The following CEP112 variants were observed in gnomAD, a reference collection of about 807,000 sequenced individuals.
CEP112 encodes centrosomal protein of 112 kDa.
CEP112 carries 127 observed loss-of-function variants against 153.0 expected under a neutral mutation model. The ratio of observed to expected loss-of-function variants is 0.83; its 90% CI spans 0.72 to 0.96. The LOEUF (loss-of-function observed/expected upper bound fraction) is 0.96. Among genes scored for constraint, CEP112 ranks in the 40% least tolerant of loss-of-function variants. The pLI, the probability that CEP112 is intolerant of heterozygous loss-of-function variation, is 0.00. For missense variants in CEP112, 1,089 were observed against 1,101.2 expected (o/e 0.99, Z 0.16); for synonymous variants, 358 against 374.4 (o/e 0.96, Z 0.51).
Position 66,177,031 on chromosome 17 carries a change from A to T in CEP112, c.107-11T>A. 6.4e-7 allele frequency: 1 copy of T among 1,574,698 alleles called. No homozygotes were observed. The highest frequency in any genetic ancestry group is 8.6e-7 in the Non-Finnish European group (1 of 1,165,916). ...CACACCTCTGCCGTTCTATAAATAC[A>T]GAAGAACTATTAGAAATTTTATTTT... On this transcript the variant is annotated splice_polypyrimidine_tract_variant and intron_variant, in intron 2 of 26. Coordinates refer to ENST00000535342, the MANE Select transcript of CEP112 (RefSeq NM_001199165.4).
At position 66,179,742 on chromosome 17, in the gene CEP112, A is replaced by C. The variant is rs984913252; in HGVS notation, c.107-2722T>G. Reference sequence around the variant, plus strand: ...ATACTATGCTGAATAACAGCGGTGAAAGTGGTCAACCTTGTTGTATTCCAG... The same window carrying C: ...ATACTATGCTGAATAACAGCGGTGACAGTGGTCAACCTTGTTGTATTCCAG... On this transcript the variant is annotated intron_variant, in intron 2 of 26. Coordinates refer to ENST00000535342, the MANE Select transcript of CEP112 (RefSeq NM_001199165.4). Among the ~76,000 whole-genome samples the C allele has an allele frequency of 1.8e-4, 27 of 152,162 alleles. 1 individual carries two copies. Among genetic ancestry groups the C allele is most frequent in the African/African-American group, 6.5e-4 (27 of 41,448 alleles).
At chr17:66,130,133 A>AG (rs1326812188) in intron 5 of CEP112, among the ~76,000 whole-genome samples, 1 of 152,122 alleles carries the variant, frequency 6.6e-6, no homozygotes, top group Admixed American at 6.5e-5. Context: ...GGAAAGGATT[A>AG]GGTTACAACT....
At chr17:65,974,562 A>G (rs1438639921) in intron 17 of CEP112, among the ~76,000 whole-genome samples, 1 of 152,242 alleles carries the variant, frequency 6.6e-6, no homozygotes, top group African/African-American at 2.4e-5. Context: ...TAGGTTATTC[A>G]TGACAGCATC....
At chr17:65,724,283 C>T (rs1257510344) in intron 23 of CEP112, among the ~76,000 whole-genome samples, 1 of 152,132 alleles carries the variant, frequency 6.6e-6, no homozygotes, top group African/African-American at 2.4e-5. Flanking sequence ...CAATTACATA[C>T]ACTTGAAAAA....
intron 25 of CEP112, among the ~76,000 whole-genome samples, chr17:65,640,630 G>A (rs1430991694): frequency 6.6e-6 from 1 of 152,120 alleles, no homozygotes; most frequent in African/African-American, 2.4e-5. Flanking sequence ...TGCACAGTGA[G>A]GAATCAGCCA....
intron 17 of CEP112, among the ~76,000 whole-genome samples, chr17:65,978,544 TA>T (rs1469172019): frequency 3.9e-5 from 6 of 152,346 alleles, no homozygotes; most frequent in African/African-American, 1.2e-4. Flanking sequence ...AACAGCCACA[TA>T]GGATTCTTTG....
chr17:65,845,143 A>C (rs910900874), intron 21 of CEP112, among the ~76,000 whole-genome samples: 2 of 152,084 alleles, frequency 1.3e-5, no homozygotes, highest in African/African-American at 4.8e-5. Context: ...AACATGGAGA[A>C]ACTGCGTCTG....
At chr17:65,794,242 G>A (rs984680861) in intron 21 of CEP112, among the ~76,000 whole-genome samples, 6 of 152,000 alleles carry the variant, frequency 3.9e-5, no homozygotes, top group South Asian at 2.1e-4. Flanking sequence ...ATCTTTGTAC[G>A]CATCCCCATG....
chr17:65,834,588 T>C lies in CEP112; in HGVS notation c.2394+17216A>G, dbSNP rs189374588. Among the ~76,000 whole-genome samples, 39 of 152,050 alleles carry C rather than the reference T, an allele frequency of 2.6e-4. No individual in the cohort carries two copies. The East Asian group carries it at 5.4e-3, about 21-fold the overall frequency. On this transcript the variant is annotated intron_variant, in intron 21 of 26. Transcript: ENST00000535342. ...AGACACACATGTGGCAACAAGCATA[T>C]GAAAAAAAGCTCAATATTGCTGATC...
At chr17:66,180,352 A>C (rs1310975711) in intron 2 of CEP112, among the ~76,000 whole-genome samples, 1 of 152,086 alleles carries the variant, frequency 6.6e-6, no homozygotes, top group African/African-American at 2.4e-5. Flanking sequence ...TTATAAATAA[A>C]ATTCTGTGAT....
intron 21 of CEP112, among the ~76,000 whole-genome samples, chr17:65,806,664 A>T (rs372795514): frequency 3.4e-4 from 51 of 152,184 alleles, no homozygotes; most frequent in Middle Eastern, 3.4e-3. Flanking sequence ...AATGTGTGGC[A>T]CTTCCCCCTT....
intron 6 of CEP112, among the ~76,000 whole-genome samples, chr17:66,124,330 C>T (rs1466243706): frequency 6.6e-6 from 1 of 152,124 alleles, no homozygotes; most frequent in Admixed American, 6.5e-5. Context: ...CTGAAGGAAC[C>T]TCATTGCACT....
intron 4 of CEP112, among the ~76,000 whole-genome samples, chr17:66,136,354 G>C (rs2070434414): frequency 6.6e-6 from 1 of 152,084 alleles, no homozygotes; most frequent in South Asian, 2.1e-4. Flanking sequence ...TTTGGAAGGG[G>C]CTGCCTAAGG....
At chr17:65,857,203 T>C (rs2058151693) in intron 20 of CEP112, among the ~76,000 whole-genome samples, 1 of 152,158 alleles carries the variant, frequency 6.6e-6, no homozygotes, top group African/African-American at 2.4e-5. Flanking sequence ...TGCTTATCAC[T>C]AAAGACAGAA....
intron 19 of CEP112, among the ~76,000 whole-genome samples, chr17:65,926,977 C>T (rs182632004): frequency 6.6e-6 from 1 of 152,252 alleles, no homozygotes; most frequent in East Asian, 1.9e-4. Context: ...ACCCAAATCT[C>T]ATGTTGAAAT....
chr17:65,963,342 T>A (rs541490960), intron 17 of CEP112, among the ~76,000 whole-genome samples: 1 of 152,318 alleles, frequency 6.6e-6, no homozygotes, highest in African/African-American at 2.4e-5. Context: ...AGAAAAGACA[T>A]TTCTAAAACA....
rs2071887297 is a variant in CEP112, at chr17:66,164,938, A to G, written c.470+10106T>C. 2.0e-5 allele frequency among the ~76,000 whole-genome samples: 3 copies of G among 147,560 alleles called. No homozygotes were observed. In the South Asian group the frequency reaches 6.5e-4, roughly 32 times the overall value. On this transcript the variant is annotated intron_variant, in intron 4 of 26. Coordinates refer to ENST00000535342, the MANE Select transcript of CEP112 (RefSeq NM_001199165.4). ...TGTGTGTGTATATTTATTTATAAAC[A>G]GTTTCTTTTTTGTTAGTAGGAGCTC... is the stretch of plus-strand genomic sequence containing the variant.
chr17:66,165,367 G>A (rs969760768), intron 4 of CEP112, among the ~76,000 whole-genome samples: 4 of 152,130 alleles, frequency 2.6e-5, no homozygotes, highest in Admixed American at 6.6e-5. Flanking sequence ...GGACAGTGCC[G>A]CCTATAGAAC....
intron 18 of CEP112, among the ~76,000 whole-genome samples, chr17:65,942,055 C>T: frequency 6.6e-6 from 1 of 152,128 alleles, no homozygotes. Flanking sequence ...GGTCCCCAAC[C>T]CCCAGGGCCA....
Sources: allele counts gnomAD v4.1 joint callset (sites outside exome capture counted in the v4.1 genomes callset), GRCh38; gene constraint gnomAD v4.1.1; transcripts MANE v1.5; gene names NCBI Gene and HGNC (gene_info 2026-07-23, HGNC 2026-07-21).